DAB2IP: variants seen among roughly 807,000 people sequenced by gnomAD.
The protein encoded by DAB2IP is DAB2 interacting protein, also known as disabled homolog 2-interacting protein.
In DAB2IP, 28 loss-of-function variants were observed where a neutral mutation model predicts 107.2. The observed-to-expected ratio is 0.26, with a 90% confidence interval of 0.19 to 0.36. The LOEUF (loss-of-function observed/expected upper bound fraction) is 0.36, where lower values mean the gene tolerates loss of function less well. DAB2IP is among the 10% of genes least tolerant of loss of function. DAB2IP has a pLI of 1.00. For synonymous variants in DAB2IP, 755 were observed against 706.4 expected, an observed-to-expected ratio of 1.07 and a Z score of -1.09; for missense variants, 1,400 against 1,644.7, an observed-to-expected ratio of 0.85 and a Z score of 2.57.
intron 1 of DAB2IP, among the ~76,000 whole-genome samples, chr9:121,641,508 C>T (rs904651186): frequency 6.6e-6 from 1 of 152,166 alleles, no homozygotes; most frequent in African/African-American, 2.4e-5. Flanking sequence ...CAGGCCAACC[C>T]CATTTTGTAG....
Position 121,698,907 on chromosome 9 carries a change from C to A in DAB2IP, c.229-418C>A, listed in dbSNP as rs1425766722. ...TGACCTCGCACGGGGAGGACAAGCT[C>A]GGAGGCGGCAGGGAGGTGAGCGGGG... On this transcript the variant is annotated intron_variant, in intron 2 of 15. Coordinates refer to ENST00000408936, the Ensembl canonical transcript of DAB2IP. This position sits in a 1 kb window ranked among gnomAD's most constrained non-coding sequence, Gnocchi z 4.1. Among the ~76,000 whole-genome samples, 1 of 152,052 alleles carries A rather than the reference C, an allele frequency of 6.6e-6. No individual in the cohort carries two copies. The highest frequency in any genetic ancestry group is 2.4e-5 in the African/African-American group (1 of 41,440).
chr9:121,760,444 G>A lies in DAB2IP; in HGVS notation c.1170+5G>A, dbSNP rs1483435038. 1.3e-6 allele frequency: 2 copies of A among 1,586,706 alleles called. No individual in the cohort carries two copies. Among genetic ancestry groups the A allele is most frequent in the Non-Finnish European group, 1.7e-6 (2 of 1,169,768 alleles). ...CAGAGCACGGGCAAGGTGAAGGTGC[G>A]TGCAGGCCCCTCGGCTCCTGACACA... On this transcript the variant is annotated splice_donor_5th_base_variant and intron_variant, in intron 6 of 15. Transcript: ENST00000408936. The surrounding 1 kb of genome is among the most constrained non-coding windows in gnomAD (Gnocchi z 5.9).
chr9:121,763,555 C>T (rs781716335), exon 7 of DAB2IP: 8 of 1,613,814 alleles, frequency 5.0e-6, no homozygotes, highest in South Asian at 3.3e-5. Flanking sequence ...GCGGGGACAA[C>T]GAGCACCTCA....
intron 3 of DAB2IP, among the ~76,000 whole-genome samples, chr9:121,750,247 A>T (rs1833009911): frequency 6.6e-6 from 1 of 152,142 alleles, no homozygotes; most frequent in South Asian, 2.1e-4. Context: ...GCAGCCAGGC[A>T]CCCTTGACAC....
At chr9:121,694,298 G>A (rs978422121) in intron 2 of DAB2IP, among the ~76,000 whole-genome samples, 4 of 152,118 alleles carry the variant, frequency 2.6e-5, no homozygotes, top group African/African-American at 9.7e-5. Context: ...TAACTTCTCT[G>A]AGCCTGCATT....
At chr9:121,567,235 C>A (rs769527237) in intron 1 of DAB2IP, 2 of 1,613,988 alleles carry the variant, frequency 1.2e-6, no homozygotes, top group Admixed American at 1.7e-5. Context: ...TACGGTAAGA[C>A]GGTGCCAGCA....
At chr9:121,601,547 CCTGGTGCCTGGCATT>C (rs1830683196) in intron 1 of DAB2IP, among the ~76,000 whole-genome samples, 1 of 152,162 alleles carries the variant, frequency 6.6e-6, no homozygotes, top group Admixed American at 6.5e-5. Context: ...ACTGTGGTCC[CCTGGTGCCTGGCATT>C]CTGTTCCGTC....
In DAB2IP at chr9:121,617,490, G is replaced by T. The variant is rs114256367; in HGVS notation, c.40+50262G>T. 2.8e-3 allele frequency among the ~76,000 whole-genome samples: 425 copies of T among 152,346 alleles called. 4 individuals carry two copies. The highest frequency in any genetic ancestry group is 9.8e-3 in the African/African-American group (407 of 41,582). On this transcript the variant is annotated intron_variant, in intron 1 of 16. Coordinates refer to the DAB2IP transcript ENST00000259371. ...CTCTCTCATCTCAAGCGTTCTGTGG[G>T]AGGGACAGCCCAATACAGCGGTTTC...
At chr9:121,764,395 A>C (rs2118983548) in intron 8 of DAB2IP, among the ~76,000 whole-genome samples, 1 of 152,352 alleles carries the variant, frequency 6.6e-6, no homozygotes, top group South Asian at 2.1e-4. Flanking sequence ...CCAGCCCCAG[A>C]AAGCAGCAGG....
At chr9:121,671,535 A>G (rs969397749) in intron 1 of DAB2IP, among the ~76,000 whole-genome samples, 1 of 152,100 alleles carries the variant, frequency 6.6e-6, no homozygotes, top group African/African-American at 2.4e-5. Context: ...CTCATTCTGG[A>G]TGTAACACAG....
At chr9:121,598,898 TTTAATA>T (rs1830595807) in intron 1 of DAB2IP, among the ~76,000 whole-genome samples, 1 of 152,228 alleles carries the variant, frequency 6.6e-6, no homozygotes, top group South Asian at 2.1e-4. Flanking sequence ...ATAGTCACGC[TTTAATA>T]TTCAGTCACG....
rs146381952 is a variant in DAB2IP, at chr9:121,673,676, T to A, written c.125-5002T>A. Among the ~76,000 whole-genome samples the A allele has an allele frequency of 2.0e-3, 309 of 152,276 alleles. 1 individual carries two copies. The highest frequency in any genetic ancestry group is 7.1e-3 in the African/African-American group (295 of 41,552). On this transcript the variant is annotated intron_variant, in intron 1 of 15. Coordinates refer to ENST00000408936, the Ensembl canonical transcript of DAB2IP. ...ATGAAAAAACATTGAGAAACGTGGG[T>A]CCAGAACCCAGCGATCCATGTCTTC...
In DAB2IP at chr9:121,760,796, G is replaced by A. The variant is rs958564683; in HGVS notation, c.1170+357G>A. On this transcript the variant is annotated intron_variant, in intron 6 of 15. Transcript: ENST00000408936. This position sits in a 1 kb window ranked among gnomAD's most constrained non-coding sequence, Gnocchi z 5.9. Reference sequence around the variant, plus strand: ...TCTCCCAGCACACAGGTCCCACAACGCCACCAGCCGCAGTGAGCCAAACAC... The same window carrying A: ...TCTCCCAGCACACAGGTCCCACAACACCACCAGCCGCAGTGAGCCAAACAC... Among the ~76,000 whole-genome samples, 2 of 152,122 alleles carry A rather than the reference G, an allele frequency of 1.3e-5. No individual in the cohort carries two copies. The highest frequency in any genetic ancestry group is 1.9e-4 in the East Asian group (1 of 5,188).
In DAB2IP at chr9:121,748,520, TG is replaced by T. The variant is rs372345981; in HGVS notation, c.363-8492del. Among the ~76,000 whole-genome samples, 4 of 152,278 alleles carry T rather than the reference TG, an allele frequency of 2.6e-5. No individual in the cohort carries two copies. In the East Asian group the frequency reaches 7.7e-4, roughly 29 times the overall value. On this transcript the variant is annotated intron_variant, in intron 3 of 15. Transcript: ENST00000408936. ...TGAGCCTTTTGGATTAACTGGCTCA[TG>T]TATTGCCCCATGAGCCAGGGCTTGT... is the stretch of plus-strand genomic sequence containing the variant.
At chr9:121,583,435 T>C (rs1830247286) in intron 1 of DAB2IP, among the ~76,000 whole-genome samples, 1 of 151,632 alleles carries the variant, frequency 6.6e-6, no homozygotes, top group African/African-American at 2.4e-5. Flanking sequence ...AGAAAACAAA[T>C]GGGTAACAGG....
chr9:121,774,155 C>A, intron 12 of DAB2IP, 105 bp from the exon 13 acceptor site: 1 of 1,291,026 alleles, frequency 7.7e-7, no homozygotes, highest in Non-Finnish European at 1.0e-6. Context: ...CCTCTTCCCA[C>A]CGTGTCCCAG....
intron 10 of DAB2IP, 123 bp downstream of exon 10, chr9:121,768,756 TG>T (rs1236020641): frequency 1.7e-5 from 21 of 1,202,262 alleles, no homozygotes; most frequent in Non-Finnish European, 2.2e-5. Flanking sequence ...GGCCAGGTCC[TG>T]TCAGAACACA....
intron 1 of DAB2IP, among the ~76,000 whole-genome samples, chr9:121,676,202 G>A (rs753308300): frequency 2.0e-5 from 3 of 152,230 alleles, no homozygotes; most frequent in Non-Finnish European, 4.4e-5. Flanking sequence ...CCAAGGCTCA[G>A]GATGAAGCCT....
chr9:121,608,159 T>C (rs1830948860), intron 1 of DAB2IP, among the ~76,000 whole-genome samples: 3 of 152,362 alleles, frequency 2.0e-5, no homozygotes, highest in Middle Eastern at 3.4e-3. Flanking sequence ...CACTTGACGC[T>C]GTGCAGAGCC....
Sources: allele counts gnomAD v4.1 joint callset (sites outside exome capture counted in the v4.1 genomes callset), GRCh38; gene constraint gnomAD v4.1.1; non-coding constraint Gnocchi (gnomAD v3.1); transcripts MANE v1.5; gene names NCBI Gene and HGNC (gene_info 2026-07-23, HGNC 2026-07-21).